Variants in EPDR1 observed in about 807,000 individuals in gnomAD.
EPDR1 encodes mammalian ependymin-related protein 1.
In EPDR1, 27 loss-of-function variants were observed where a neutral mutation model predicts 23.7. That is an observed-to-expected ratio of 1.14 (90% CI 0.84 to 1.57). The LOEUF is 1.57. Ranked by LOEUF, EPDR1 falls within the 40% of genes most tolerant of loss-of-function variation. EPDR1 has a pLI of 0.00. For missense variants in EPDR1, 349 were observed against 290.4 expected, an observed-to-expected ratio of 1.20 and a Z score of -1.47; for synonymous variants, 137 against 118.2, an observed-to-expected ratio of 1.16 and a Z score of -1.03.
Position 37,920,928 on chromosome 7 carries a change from A to T in EPDR1, c.-12A>T. 3 of 1,609,532 alleles carry T rather than the reference A, an allele frequency of 1.9e-6. No individual in the cohort carries two copies. Among genetic ancestry groups the T allele is most frequent in the Non-Finnish European group, 1.7e-6 (2 of 1,178,676 alleles). On this transcript the variant is annotated 5_prime_UTR_variant, in exon 1 of 3. In the 5' UTR this introduces an upstream ATG that the reference lacks. Coordinates refer to ENST00000199448, the MANE Select transcript of EPDR1 (RefSeq NM_017549.5). Reference sequence around the variant, plus strand: ...CTTGGGCTTGCCCTCGGGCCGGGGAAGGCTGACCGCGATGCCAGGACGCGC... The same window carrying T: ...CTTGGGCTTGCCCTCGGGCCGGGGATGGCTGACCGCGATGCCAGGACGCGC...
At chr7:37,936,249 A>C (rs991697481) in intron 1 of EPDR1, among the ~76,000 whole-genome samples, 2 of 151,846 alleles carry the variant, frequency 1.3e-5, no homozygotes, top group African/African-American at 4.8e-5. Flanking sequence ...TAATCATGTG[A>C]TTATAGCCTT....
At chr7:37,928,174 C>T (rs1785855302) in intron 1 of EPDR1, among the ~76,000 whole-genome samples, 1 of 152,180 alleles carries the variant, frequency 6.6e-6, no homozygotes, top group South Asian at 2.1e-4. Flanking sequence ...CACTATACTG[C>T]TTTGAAAACA....
intron 2 of EPDR1, 74 bp from the exon 3 acceptor site, chr7:37,950,126 T>A: frequency 8.7e-7 from 1 of 1,144,434 alleles, no homozygotes; most frequent in Non-Finnish European, 1.2e-6. Flanking sequence ...TATGTACATT[T>A]TACCACCATA....
At chr7:37,935,203 A>G (rs907492253) in intron 1 of EPDR1, among the ~76,000 whole-genome samples, 1 of 152,142 alleles carries the variant, frequency 6.6e-6, no homozygotes, top group Non-Finnish European at 1.5e-5. Flanking sequence ...GATTTTCTCA[A>G]CCTCTATATT....
Position 37,929,895 on chromosome 7 carries a change from A to G in EPDR1, c.269+8687A>G, listed in dbSNP as rs184898849. On this transcript the variant is annotated intron_variant, in intron 1 of 2. Coordinates refer to ENST00000199448, the MANE Select transcript of EPDR1 (RefSeq NM_017549.5). ...ATTTCAATTTTGGGGAATTTCACCC[A>G]ATGTGGGCATTTGAGATTTATTTCT... Among the ~76,000 whole-genome samples, 4 of 152,300 alleles carry G rather than the reference A, an allele frequency of 2.6e-5. No homozygotes were observed. In the East Asian group the frequency reaches 7.7e-4, roughly 29 times the overall value.
chr7:37,926,796 C>A (rs1345779532), intron 1 of EPDR1: 2 of 419,058 alleles, frequency 4.8e-6, no homozygotes, highest in African/African-American at 4.1e-5. Flanking sequence ...TACATTTTTT[C>A]TTTTTAATTA....
rs570086548 is a variant in EPDR1, at chr7:37,925,555, A to G, written c.269+4347A>G. 5.9e-5 allele frequency among the ~76,000 whole-genome samples: 9 copies of G among 152,322 alleles called. No homozygotes were observed. In the East Asian group the frequency reaches 1.2e-3, roughly 20 times the overall value. On this transcript the variant is annotated intron_variant, in intron 1 of 2. Transcript: ENST00000199448. ...ATTATTTCTTGGAGAAGAGAATAGC[A>G]TTAACCTCTTTTTTAAACAGAGAAT...
At chr7:37,950,087 T>TA in intron 2 of EPDR1, 113 bp from the exon 3 acceptor site, 1 of 787,708 alleles carries the variant, frequency 1.3e-6, no homozygotes, top group Non-Finnish European at 2.0e-6. Flanking sequence ...ACCAAACACT[T>TA]AAAAATGGTA....
intron 1 of EPDR1, among the ~76,000 whole-genome samples, chr7:37,934,046 A>G (rs1437264706): frequency 1.4e-5 from 2 of 145,208 alleles, no homozygotes; most frequent in African/African-American, 2.6e-5. Flanking sequence ...GCGTGATCTC[A>G]GCTCACTACA....
At chr7:37,945,045 G>C (rs2071316935) in intron 1 of EPDR1, among the ~76,000 whole-genome samples, 1 of 152,122 alleles carries the variant, frequency 6.6e-6, no homozygotes, top group Non-Finnish European at 1.5e-5. Flanking sequence ...GTGGCCCACG[G>C]GTCATTAAAA....
chr7:37,932,321 G>A (rs1785961542), intron 1 of EPDR1, among the ~76,000 whole-genome samples: 1 of 151,900 alleles, frequency 6.6e-6, no homozygotes, highest in Admixed American at 6.6e-5. Context: ...CATTTATTTA[G>A]AGATGACATC....
At chr7:37,932,015 T>G (rs1300354956) in intron 1 of EPDR1, among the ~76,000 whole-genome samples, 1 of 152,212 alleles carries the variant, frequency 6.6e-6, no homozygotes, top group African/African-American at 2.4e-5. Context: ...GTCGGGAACT[T>G]TCCTCTAGTA....
chr7:37,937,985 A>ATTTTTTTTTTTTTTTTTTTTTTTTTT (rs35752051), intron 1 of EPDR1, among the ~76,000 whole-genome samples: 1,025 of 72,332 alleles, frequency 0.014, 111 homozygotes, highest in Non-Finnish European at 0.022. Flanking sequence ...TGCCCTTTAA[A>ATTTTTTTTTTTTTTTTTTTTTTTTTT]TTTTTTTTTT....
In EPDR1 at chr7:37,949,185, G is replaced by C. The variant is rs111617193; in HGVS notation, c.478+137G>C. 654 of 742,868 alleles carry C rather than the reference G, an allele frequency of 8.8e-4. 2 individuals are homozygous for C. The African/African-American group carries it at 0.01, about 12-fold the overall frequency. The allele number at this position is 742,868 out of a possible 1,614,324, so 46.0% of individuals were successfully genotyped here. The stretch of plus-strand genomic sequence containing the variant: ...TTTAAAGCCTCCACTTAGGTCTGCA[G>C]GTTACTTTGCTCACTATGTGGCAAC... On this transcript the variant is annotated intron_variant, in intron 2 of 2. Transcript: ENST00000199448.
Position 37,928,695 on chromosome 7 carries a change from T to C in EPDR1, c.269+7487T>C, listed in dbSNP as rs1189429273. Among the ~76,000 whole-genome samples the C allele has an allele frequency of 2.6e-5, 4 of 152,288 alleles. No homozygotes were observed. The East Asian group carries it at 7.7e-4, about 29-fold the overall frequency. On this transcript the variant is annotated intron_variant, in intron 1 of 2. Coordinates refer to ENST00000199448, the MANE Select transcript of EPDR1 (RefSeq NM_017549.5). ...TCTTCTGGTTTTCCTTCTCCCACCT[T>C]ATTTCCTCTCCTCAAGCCTTTTTGC...
chr7:37,934,708 CTGA>C (rs1405418072), intron 1 of EPDR1, among the ~76,000 whole-genome samples: 4 of 152,196 alleles, frequency 2.6e-5, no homozygotes, highest in African/African-American at 9.6e-5. Flanking sequence ...TTCTGAGGGG[CTGA>C]TGTGAGAGGA....
At chr7:37,948,342 ATTTT>A (rs56967310) in intron 1 of EPDR1, among the ~76,000 whole-genome samples, 8 of 135,612 alleles carry the variant, frequency 5.9e-5, no homozygotes, top group South Asian at 2.4e-4. Context: ...TTTGACCTCA[ATTTT>A]TTTTTTTTTT....
intron 1 of EPDR1, among the ~76,000 whole-genome samples, chr7:37,938,096 T>C (rs1786095278): frequency 6.7e-6 from 1 of 149,708 alleles, no homozygotes; most frequent in Non-Finnish European, 1.5e-5. Flanking sequence ...GTTCATGCCA[T>C]TCTCTTGCCT....
chr7:37,942,626 A>T (rs1173203445), intron 1 of EPDR1, among the ~76,000 whole-genome samples: 1 of 152,212 alleles, frequency 6.6e-6, no homozygotes, highest in Non-Finnish European at 1.5e-5. Flanking sequence ...AGATATAAAA[A>T]TTAATACGTA....
Sources: gnomAD v4.1 joint callset for allele counts (sites outside exome capture counted in the v4.1 genomes callset) on GRCh38, gnomAD v4.1.1 for gene constraint, MANE v1.5 for transcripts, NCBI Gene and HGNC (gene_info 2026-07-23, HGNC 2026-07-21) for gene names.